LARP1B: variants seen among roughly 807,000 people sequenced by gnomAD.
LARP1B encodes la-related protein 1B.
A neutral mutation model predicts 114.2 loss-of-function variants in LARP1B; 76 were observed. The observed-to-expected ratio is 0.67, with a 90% CI of 0.55 to 0.81. The LOEUF is 0.81. Ranked by LOEUF, LARP1B falls within the 30% of genes least tolerant of loss-of-function variation. The pLI is 0.00. For synonymous variants in LARP1B, 345 were observed against 348.0 expected, an observed-to-expected ratio of 0.99 and a Z score of 0.10; for missense variants, 1,014 against 1,075.8, an observed-to-expected ratio of 0.94 and a Z score of 0.80.
chr4:128,140,824 G>GTTGTTTTTGT (rs55639320), intron 11 of LARP1B, among the ~76,000 whole-genome samples: 1 of 138,604 alleles, frequency 7.2e-6, no homozygotes, highest in African/African-American at 2.6e-5. Flanking sequence ...AATTGTCTCT[G>GTTGTTTTTGT]TTTTTTTTTT....
chr4:128,136,160 G>A (rs900725236), intron 11 of LARP1B, among the ~76,000 whole-genome samples: 1 of 151,896 alleles, frequency 6.6e-6, no homozygotes, highest in East Asian at 1.9e-4. Context: ...GGGTGTGGTG[G>A]TGCACGCCTG....
At chr4:128,089,639 G>A (rs1458037040) in intron 5 of LARP1B, among the ~76,000 whole-genome samples, 1 of 151,670 alleles carries the variant, frequency 6.6e-6, no homozygotes, top group Non-Finnish European at 1.5e-5. Context: ...CCCGGCTAAT[G>A]TTCTACCTTT....
At chr4:128,203,109 T>A (rs1399664666) in intron 17 of LARP1B, among the ~76,000 whole-genome samples, 2 of 152,076 alleles carry the variant, frequency 1.3e-5, no homozygotes, top group Admixed American at 6.6e-5. Context: ...TGAGAACTGC[T>A]TGAGCCTGGG....
intron 7 of LARP1B, among the ~76,000 whole-genome samples, chr4:128,221,195 G>A (rs1289794907): frequency 6.6e-6 from 1 of 152,108 alleles, no homozygotes; most frequent in Non-Finnish European, 1.5e-5. Context: ...AGGAAATTTT[G>A]ATTAGGAAAC....
chr4:128,195,106 T>G (rs1014183215), intron 15 of LARP1B, among the ~76,000 whole-genome samples: 6 of 152,200 alleles, frequency 3.9e-5, no homozygotes, highest in African/African-American at 1.4e-4. Flanking sequence ...TAGACTTTTT[T>G]TTGTTGTTGA....
chr4:128,066,873 T>G (rs1327878090), intron 1 of LARP1B, among the ~76,000 whole-genome samples: 3 of 150,094 alleles, frequency 2.0e-5, no homozygotes, highest in Non-Finnish European at 3.0e-5. Flanking sequence ...CTTGGCTCAC[T>G]GCAACCCCCC....
intron 1 of LARP1B, among the ~76,000 whole-genome samples, chr4:128,071,018 T>C (rs2149346639): frequency 6.6e-6 from 1 of 152,164 alleles, no homozygotes; most frequent in East Asian, 1.9e-4. Context: ...TGAGTCACTT[T>C]TTATTTATTT....
intron 11 of LARP1B, among the ~76,000 whole-genome samples, chr4:128,152,486 G>A (rs1733300353): frequency 6.6e-6 from 1 of 152,034 alleles, no homozygotes; most frequent in South Asian, 2.1e-4. Context: ...ACAGGTGTGA[G>A]CCACTGCGCC....
rs1421077677 is a variant in LARP1B at position 128,085,426 on chromosome 4, G to A, written c.358+3121G>A. Among the ~76,000 whole-genome samples the A allele has an allele frequency of 4.1e-5, 6 of 147,706 alleles. No individual in the cohort carries two copies. In the South Asian group the frequency reaches 1.3e-3, roughly 32 times the overall value. On this transcript the variant is annotated intron_variant, in intron 5 of 19. Transcript: ENST00000326639. ...TGTTGCCCAGGCTGGAGTGCAGTGG[G>A]ACAGTCATAGCTCACTGCAGTCTTG...
chr4:128,069,962 T>C (rs1044898133), intron 1 of LARP1B, among the ~76,000 whole-genome samples: 1 of 152,118 alleles, frequency 6.6e-6, no homozygotes, highest in African/African-American at 2.4e-5. Context: ...AAGTAAGTTA[T>C]ATAGAAAAAA....
At chr4:128,184,295 A>T (rs1176514192) in intron 15 of LARP1B, among the ~76,000 whole-genome samples, 1 of 152,180 alleles carries the variant, frequency 6.6e-6, no homozygotes, top group Non-Finnish European at 1.5e-5. Context: ...TGCCACAGCC[A>T]TTCCAACCGT....
At chr4:128,107,822 TC>T in intron 9 of LARP1B, 1 of 1,530,946 alleles carries the variant, frequency 6.5e-7, no homozygotes, top group South Asian at 1.2e-5. Flanking sequence ...AATAATTTTT[TC>T]CTGGATCATT....
intron 1 of LARP1B, chr4:128,068,893 A>C (rs1579726430): frequency 2.2e-6 from 1 of 446,008 alleles, no homozygotes; most frequent in African/African-American, 2.0e-5. Flanking sequence ...ACTTTTCTTA[A>C]CTTGACAAAG....
intron 11 of LARP1B, among the ~76,000 whole-genome samples, chr4:128,145,447 A>G (rs2150258040): frequency 6.6e-6 from 1 of 152,304 alleles, no homozygotes; most frequent in South Asian, 2.1e-4. Context: ...GTTCAGCTTA[A>G]CCACATAGCA....
Position 128,061,602 on chromosome 4 carries a change from T to C in LARP1B, c.-78+201T>C, listed in dbSNP as rs557345535. The C allele has an allele frequency of 4.6e-3, 3,840 of 828,246 alleles. 14 individuals carry two copies. Among genetic ancestry groups the C allele is most frequent in the Middle Eastern group, 0.016 (26 of 1,624 alleles). 51.3% of individuals were successfully genotyped at this position (828,246 alleles called of 1,614,324 possible). On this transcript the variant is annotated intron_variant, in intron 1 of 19. Transcript: ENST00000326639. The stretch of plus-strand genomic sequence containing the variant: ...GGGCTCTCGGGTTGTCTGTCCCCAG[T>C]TGGAGCCGGCCGGTGTCCCGGCGGA...
chr4:128,208,340 AAAAG>A (rs1164664312), intron 19 of LARP1B, among the ~76,000 whole-genome samples: 1 of 152,058 alleles, frequency 6.6e-6, no homozygotes, highest in Non-Finnish European at 1.5e-5. Context: ...AAAAAAAAAA[AAAAG>A]GGAAGAAGAA....
rs532052832 is a variant in LARP1B at position 128,143,173 on chromosome 4, T to C, written c.1525-19021T>C. On this transcript the variant is annotated intron_variant, in intron 11 of 19. Coordinates refer to ENST00000326639, the MANE Select transcript of LARP1B (RefSeq NM_018078.4). ...GGTGGCACACAGCTGTAGTCTCAGC[T>C]ATTCGGGAGGCTGAGGCAGGAGAAT... Among the ~76,000 whole-genome samples, 6 of 152,108 alleles carry C rather than the reference T, an allele frequency of 3.9e-5. No homozygotes were observed. The South Asian group carries it at 1.2e-3, about 32-fold the overall frequency.
intron 5 of LARP1B, among the ~76,000 whole-genome samples, chr4:128,084,359 C>T (rs571800965): frequency 8.5e-5 from 13 of 152,358 alleles, no homozygotes; most frequent in Admixed American, 2.6e-4. Flanking sequence ...AACCAGACTC[C>T]GTCTGCAATC....
rs1755627188 is a variant in LARP1B, at chr4:128,200,568, T to C, written c.2212T>C (p.Phe738Leu). 6.3e-7 allele frequency: 1 copy of C among 1,593,276 alleles called. No individual in the cohort carries two copies. The highest frequency in any genetic ancestry group is 2.3e-5 in the East Asian group (1 of 44,186). The change falls in exon 17 of 20, where the codon TTT becomes CTT. Residue 738 changes from phenylalanine (F) to leucine (L), a missense_variant. By Grantham distance (22) the Phe-to-Leu change is conservative. Coordinates refer to ENST00000326639, the MANE Select transcript of LARP1B (RefSeq NM_018078.4). Reference sequence around the variant, plus strand: ...TCAGTCCCAAGAAATGAATACCCTCTTTCGTTTCTGGTCCTTTTTCCTCAG... The same window carrying C: ...TCAGTCCCAAGAAATGAATACCCTCCTTCGTTTCTGGTCCTTTTTCCTCAG... ...IGQSQEMNTL[F>L]RFWSFFLRDH...
Sources: gnomAD v4.1 joint callset for allele counts (sites outside exome capture counted in the v4.1 genomes callset) on GRCh38, gnomAD v4.1.1 for gene constraint, MANE v1.5 for transcripts, NCBI Gene and HGNC (gene_info 2026-07-23, HGNC 2026-07-21) for gene names.